ARHGAP40: variants seen among roughly 807,000 people sequenced by gnomAD.
ARHGAP40 encodes the protein rho GTPase-activating protein 40.
A neutral mutation model predicts 73.5 loss-of-function variants in ARHGAP40; 43 were observed. That is an observed-to-expected ratio of 0.58 (90% confidence interval 0.46 to 0.75). The LOEUF is 0.75. ARHGAP40 is among the 30% of genes least tolerant of loss of function. ARHGAP40 has a pLI of 0.00. For synonymous variants in ARHGAP40, 300 were observed against 352.8 expected (o/e 0.85, Z 1.68); for missense variants, 734 against 861.8 (o/e 0.85, Z 1.86).
intron 1 of ARHGAP40, chr20:38,614,880 T>C: frequency 8.1e-7 from 1 of 1,236,558 alleles, no homozygotes. Flanking sequence ...GAGCGTCACA[T>C]CCCCCAGCAA....
intron 10 of ARHGAP40, among the ~76,000 whole-genome samples, chr20:38,642,045 G>C (rs1043651176): frequency 1.3e-5 from 2 of 152,186 alleles, no homozygotes; most frequent in African/African-American, 4.8e-5. Flanking sequence ...GGTGCTAACA[G>C]GTGTTAGCAC....
exon 15 of ARHGAP40, chr20:38,650,297 A>G (rs1439729619): frequency 4.3e-6 from 2 of 469,260 alleles, no homozygotes; most frequent in African/African-American, 4.0e-5. Flanking sequence ...AAAATTAAAA[A>G]TGCAGTACCT....
intron 5 of ARHGAP40, among the ~76,000 whole-genome samples, chr20:38,631,403 A>G (rs2088937696): frequency 6.6e-6 from 1 of 152,064 alleles, no homozygotes; most frequent in Non-Finnish European, 1.5e-5. Flanking sequence ...ACAGTTCCAC[A>G]TGGCTGGGGA....
chr20:38,607,026 CTTG>C (rs2088774102), intron 1 of ARHGAP40, among the ~76,000 whole-genome samples: 1 of 152,110 alleles, frequency 6.6e-6, no homozygotes, highest in South Asian at 2.1e-4. Context: ...GCTTCATAGA[CTTG>C]TTGTGAGGAT....
In ARHGAP40 at chr20:38,610,006, C is replaced by T. The variant is rs752508183; in HGVS notation, c.137+7927C>T. On this transcript the variant is annotated intron_variant, in intron 1 of 14. Transcript: ENST00000373345. The stretch of plus-strand genomic sequence containing the variant: ...CAGGGATAATGAGGCCATGCCTCAC[C>T]CCTAGGCCAGCCTAAGAGGAGGTGT... 3.3e-4 allele frequency among the ~76,000 whole-genome samples: 51 copies of T among 152,332 alleles called. 1 individual carries two copies. The highest frequency in any genetic ancestry group is 3.4e-3 in the Middle Eastern group (1 of 294).
Position 38,615,809 on chromosome 20 carries a change from G to A in ARHGAP40, c.138-7550G>A, listed in dbSNP as rs539574915. Among the ~76,000 whole-genome samples the A allele has an allele frequency of 2.6e-5, 4 of 152,286 alleles. No individual in the cohort carries two copies. In the South Asian group the frequency reaches 8.3e-4, roughly 32 times the overall value. On this transcript the variant is annotated intron_variant, in intron 1 of 14. Transcript: ENST00000373345. ...CGTGCTGTCCCTGTCAGCTATCACT[G>A]TGTGACAAATGATCCCCAAACCCAG...
intron 1 of ARHGAP40, among the ~76,000 whole-genome samples, chr20:38,610,705 T>A (rs927064512): frequency 6.6e-5 from 10 of 152,110 alleles, no homozygotes; most frequent in African/African-American, 2.4e-4. Context: ...GTCTAAAAAT[T>A]TGGAGTCAGC....
chr20:38,628,506 G>C (rs1421069541), intron 3 of ARHGAP40, among the ~76,000 whole-genome samples: 1 of 152,056 alleles, frequency 6.6e-6, no homozygotes, highest in African/African-American at 2.4e-5. Context: ...GGGTTTCACT[G>C]TGTTAGCCAG....
intron 1 of ARHGAP40, among the ~76,000 whole-genome samples, chr20:38,621,156 C>T (rs2088871374): frequency 6.6e-6 from 1 of 152,050 alleles, no homozygotes; most frequent in Non-Finnish European, 1.5e-5. Context: ...TTCAGGGACT[C>T]CAGGGGATGG....
At chr20:38,615,002 G>A (rs1305506764) in intron 1 of ARHGAP40, 12 of 1,189,688 alleles carry the variant, frequency 1.0e-5, no homozygotes, top group East Asian at 4.7e-5. Flanking sequence ...GGAAAGTCCC[G>A]CTGGGGTTGA....
chr20:38,631,312 A>C (rs1330234454), intron 5 of ARHGAP40, among the ~76,000 whole-genome samples: 7 of 151,720 alleles, frequency 4.6e-5, no homozygotes, highest in Admixed American at 4.6e-4. Flanking sequence ...CCTAAAAAAA[A>C]AAAAAAAAAA....
At chr20:38,612,123 A>G (rs1569707) in intron 1 of ARHGAP40, among the ~76,000 whole-genome samples, 132,899 of 152,220 alleles carry the variant, frequency 0.87, 58,419 homozygotes, top group East Asian at 0.95. Flanking sequence ...ATATTTTCAC[A>G]TGTAATCAAT....
chr20:38,644,032 C>T (rs1424351008), intron 11 of ARHGAP40, 122 bp downstream of exon 11: 2 of 873,350 alleles, frequency 2.3e-6, no homozygotes, highest in African/African-American at 1.8e-5. Context: ...CCTTTGTTGG[C>T]CTCTGCACAG....
intron 1 of ARHGAP40, among the ~76,000 whole-genome samples, chr20:38,616,023 G>A (rs938648857): frequency 2.0e-5 from 3 of 152,164 alleles, no homozygotes; most frequent in African/African-American, 4.8e-5. Context: ...GGACCCAGGC[G>A]GCAGCTGTCC....
rs2088830316 is a variant in ARHGAP40 at position 38,615,453 on chromosome 20, G to T, written c.138-7906G>T. 3 of 703,148 alleles carry T rather than the reference G, an allele frequency of 4.3e-6. No homozygotes were observed. The Admixed American group carries it at 6.1e-5, about 14-fold the overall frequency. The allele number at this position is 703,148 out of a possible 1,614,324, so 43.6% of individuals were successfully genotyped here. ...TGGTAACCAGCTCCTTCTCAGCCAG[G>T]AACTCGACCTCGGCCACGTCCATGG... On this transcript the variant is annotated intron_variant, in intron 1 of 14. Coordinates refer to ENST00000373345, the Ensembl canonical transcript of ARHGAP40.
At chr20:38,617,539 G>A (rs1031418416) in intron 1 of ARHGAP40, among the ~76,000 whole-genome samples, 7 of 152,134 alleles carry the variant, frequency 4.6e-5, no homozygotes, top group Admixed American at 3.3e-4. Flanking sequence ...AGCTTGGATG[G>A]GAGCCGAGGA....
intron 1 of ARHGAP40, among the ~76,000 whole-genome samples, chr20:38,618,438 GT>G (rs1329230521): frequency 3.9e-5 from 6 of 152,088 alleles, no homozygotes; most frequent in Non-Finnish European, 8.8e-5. Flanking sequence ...TTACAAATCT[GT>G]TTATCTATTG....
chr20:38,616,187 C>T (rs921855857), intron 1 of ARHGAP40, among the ~76,000 whole-genome samples: 3 of 152,236 alleles, frequency 2.0e-5, no homozygotes, highest in African/African-American at 4.8e-5. Flanking sequence ...CCACCTCTCT[C>T]CCTCCTTTCC....
intron 1 of ARHGAP40, among the ~76,000 whole-genome samples, chr20:38,622,627 G>A (rs2088879370): frequency 6.6e-6 from 1 of 152,148 alleles, no homozygotes; most frequent in African/African-American, 2.4e-5. Context: ...AAACCACATA[G>A]CCTGGATCAT....
Sources: gnomAD v4.1 joint callset for allele counts (sites outside exome capture counted in the v4.1 genomes callset) on GRCh38, gnomAD v4.1.1 for gene constraint, MANE v1.5 for transcripts, NCBI Gene and HGNC (gene_info 2026-07-23, HGNC 2026-07-21) for gene names.